PDE8A: variants seen among roughly 807,000 people sequenced by gnomAD.
PDE8A encodes the protein phosphodiesterase 8A, also known as high affinity cAMP-specific and IBMX-insensitive 3',5'-cyclic phosphodiesterase 8A.
Under a neutral mutation model 105.0 loss-of-function variants are expected in PDE8A, and 59 were observed. The ratio of observed to expected loss-of-function variants is 0.56; its 90% CI spans 0.46 to 0.70. The LOEUF (loss-of-function observed/expected upper bound fraction) is 0.70. PDE8A is among the 30% of genes least tolerant of loss of function. The probability of loss-of-function intolerance (pLI) is 0.00; values close to 1 mark genes in which losing one functional copy is unlikely to be tolerated. For synonymous variants in PDE8A, 355 were observed against 371.9 expected (o/e 0.95, Z 0.52); for missense variants, 1,014 against 1,045.9 (o/e 0.97, Z 0.42).
chr15:85,109,213 T>C (rs1287560068), intron 12 of PDE8A, 83 bp downstream of exon 12: 3 of 861,374 alleles, frequency 3.5e-6, no homozygotes, highest in Non-Finnish European at 5.6e-6. Flanking sequence ...CCCAGGCTCA[T>C]CCTGTCTACC....
intron 1 of PDE8A, among the ~76,000 whole-genome samples, chr15:85,050,698 A>T (rs140893366): frequency 1.3e-5 from 2 of 152,296 alleles, no homozygotes; most frequent in African/African-American, 4.8e-5. Context: ...CTAGTACCAC[A>T]TTATTTTGAT....
chr15:85,046,061 GTTTC>G (rs2065436677), intron 1 of PDE8A, among the ~76,000 whole-genome samples: 1 of 128,740 alleles, frequency 7.8e-6, no homozygotes, highest in Non-Finnish European at 1.6e-5. Context: ...TCTTCTTTCT[GTTTC>G]TTTTTTTTTT....
At chr15:85,089,893 A>G (rs2081613981) in intron 7 of PDE8A, among the ~76,000 whole-genome samples, 1 of 152,254 alleles carries the variant, frequency 6.6e-6, no homozygotes, top group African/African-American at 2.4e-5. Context: ...TAAATTACAC[A>G]TTATTAGCAA....
rs1322224808 is a variant in PDE8A, at chr15:85,006,900, C to G, written c.186+24552C>G. Reference sequence around the variant, plus strand: ...GAATATTTGGAATTTGGACTAGTCCCTACGAAGAGGAGAGGAGGAGTGGTT... The same window carrying G: ...GAATATTTGGAATTTGGACTAGTCCGTACGAAGAGGAGAGGAGGAGTGGTT... On this transcript the variant is annotated intron_variant, in intron 1 of 21. Coordinates refer to ENST00000394553, the MANE Select transcript of PDE8A (RefSeq NM_002605.3). 2.0e-5 allele frequency among the ~76,000 whole-genome samples: 3 copies of G among 152,202 alleles called. No individual in the cohort carries two copies. In the East Asian group the frequency reaches 5.8e-4, roughly 29 times the overall value.
rs769463546 is a variant in PDE8A at position 85,117,623 on chromosome 15, G to A, written c.1536-18G>A. The A allele has an allele frequency of 1.1e-5, 17 of 1,607,050 alleles. No individual in the cohort carries two copies. Among genetic ancestry groups the A allele is most frequent in the Non-Finnish European group, 1.4e-5 (17 of 1,173,918 alleles). ...TGTTTGCTTTGTTCTAATATTGTGG[G>A]GTTTTTTCTGTCTATAGGCCTTTGA... On this transcript the variant is annotated intron_variant, in intron 16 of 21. Transcript: ENST00000394553.
At chr15:85,131,712 C>G (rs2082332595) in intron 20 of PDE8A, among the ~76,000 whole-genome samples, 1 of 152,172 alleles carries the variant, frequency 6.6e-6, no homozygotes. Context: ...ATCTTTATAT[C>G]AAGTTACTGT....
intron 1 of PDE8A, among the ~76,000 whole-genome samples, chr15:84,983,039 G>A (rs1418725525): frequency 6.6e-6 from 1 of 152,116 alleles, no homozygotes; most frequent in East Asian, 1.9e-4. Flanking sequence ...TTTGTGACTG[G>A]GGTTTTTTGT....
At chr15:85,002,316 T>G (rs1341598644) in intron 1 of PDE8A, among the ~76,000 whole-genome samples, 1 of 152,214 alleles carries the variant, frequency 6.6e-6, no homozygotes, top group Admixed American at 6.5e-5. Flanking sequence ...GCTCACAGTT[T>G]ACTTACTAGA....
chr15:84,990,817 A>G (rs980606599), intron 1 of PDE8A, among the ~76,000 whole-genome samples: 2 of 152,206 alleles, frequency 1.3e-5, no homozygotes, highest in African/African-American at 4.8e-5. Context: ...CCTTTTCCCA[A>G]AATAGTTATC....
chr15:85,034,461 T>A (rs1376157553), intron 1 of PDE8A, among the ~76,000 whole-genome samples: 1 of 152,122 alleles, frequency 6.6e-6, no homozygotes, highest in Admixed American at 6.5e-5. Flanking sequence ...AAAGGTTATA[T>A]GACCTGACGG....
Position 85,120,832 on chromosome 15 carries a change from C to T in PDE8A, c.1770C>T (p.Leu590=), listed in dbSNP as rs200448852. The T allele has an allele frequency of 2.1e-5, 34 of 1,613,634 alleles. No individual in the cohort carries two copies. Among genetic ancestry groups the T allele is most frequent in the Non-Finnish European group, 2.7e-5 (32 of 1,179,662 alleles). ...TLDPIDEVAA[L]IAATIHDVDH... is the part of the protein sequence containing the mutation. ...ATCCAATTGATGAGGTCGCTGCACT[C>T]ATCGCAGCCACCATTCATGATGTGG... Residue 590 remains leucine, a synonymous_variant, in exon 18 of 22, where the codon CTC becomes CTT. Transcript: ENST00000394553.
At chr15:85,094,073 G>A (rs139642117) in intron 8 of PDE8A, among the ~76,000 whole-genome samples, 1 of 152,186 alleles carries the variant, frequency 6.6e-6, no homozygotes, top group East Asian at 1.9e-4. Flanking sequence ...GTGTTGCCCA[G>A]GCTGGTCTCA....
At chr15:85,096,573 C>T (rs2081757407) in intron 8 of PDE8A, among the ~76,000 whole-genome samples, 2 of 152,198 alleles carry the variant, frequency 1.3e-5, no homozygotes, top group Non-Finnish European at 2.9e-5. Context: ...AACCCTTAGA[C>T]CTGTCTGCTG....
At chr15:84,982,733 A>G (rs544819608) in intron 1 of PDE8A, among the ~76,000 whole-genome samples, 21 of 152,162 alleles carry the variant, frequency 1.4e-4, no homozygotes, top group Admixed American at 2.6e-4. Context: ...GCAATGTTAA[A>G]TCAGTGTGAA....
intron 20 of PDE8A, among the ~76,000 whole-genome samples, chr15:85,135,847 A>G (rs2082400754): frequency 6.6e-6 from 1 of 152,210 alleles, no homozygotes; most frequent in African/African-American, 2.4e-5. Flanking sequence ...TAAAGTACAT[A>G]AATACTCAGA....
chr15:85,048,205 A>G (rs2080917248), intron 1 of PDE8A, among the ~76,000 whole-genome samples: 1 of 152,000 alleles, frequency 6.6e-6, no homozygotes, highest in African/African-American at 2.4e-5. Context: ...TGTCGCTTAA[A>G]CTTAAGTTTT....
At chr15:85,012,217 T>TA (rs1166569423) in intron 1 of PDE8A, among the ~76,000 whole-genome samples, 2 of 152,294 alleles carry the variant, frequency 1.3e-5, no homozygotes, top group East Asian at 3.9e-4. Context: ...CAAAGGACTA[T>TA]AAATCATGCT....
intron 1 of PDE8A, among the ~76,000 whole-genome samples, chr15:85,018,516 C>G (rs2080366877): frequency 6.6e-6 from 1 of 152,174 alleles, no homozygotes; most frequent in African/African-American, 2.4e-5. Context: ...CAGTCTCTTA[C>G]TATTGGGTAG....
In PDE8A at chr15:85,113,897, C is replaced by G; in HGVS notation, c.1210C>G (p.Gln404Glu). 1 of 1,613,004 alleles carries G rather than the reference C, an allele frequency of 6.2e-7. No homozygotes were observed. The change falls in exon 14 of 22, where the codon CAG becomes GAG. Residue 404 changes from glutamine (Q) to glutamate (E), a missense_variant. By Grantham distance (29) the Gln-to-Glu change is conservative. Transcript: ENST00000394553. ...GGTAATCAATATTATCAATGCTGCC[C>G]AGGAAAGTAGTCCCATGCCTGTGAC... ...TKVINIINAA[Q>E]ESSPMPVTEA...
Sources: allele counts gnomAD v4.1 joint callset (sites outside exome capture counted in the v4.1 genomes callset), GRCh38; gene constraint gnomAD v4.1.1; transcripts MANE v1.5; gene names NCBI Gene and HGNC (gene_info 2026-07-23, HGNC 2026-07-21).